The following PALS1 variants were observed in gnomAD, a reference collection of about 807,000 sequenced individuals.
The protein encoded by PALS1 is protein associated with LIN7 1, MAGUK p55 family member.
A neutral mutation model predicts 78.9 loss-of-function variants in PALS1; 31 were observed. The ratio of observed to expected loss-of-function variants is 0.39; its 90% CI spans 0.30 to 0.53. The LOEUF (loss-of-function observed/expected upper bound fraction) is 0.53. Ranked by LOEUF, PALS1 falls within the 20% of genes least tolerant of loss-of-function variation. The probability of loss-of-function intolerance (pLI) is 0.67; values close to 1 mark genes in which losing one functional copy is unlikely to be tolerated. For missense variants in PALS1, 704 were observed against 826.5 expected, an observed-to-expected ratio of 0.85 and a Z score of 1.82; for synonymous variants, 276 against 270.9, an observed-to-expected ratio of 1.02 and a Z score of -0.18.
At chr14:67,308,315 T>A (rs2085037641) in intron 8 of PALS1, among the ~76,000 whole-genome samples, 1 of 65,652 alleles carries the variant, frequency 1.5e-5, no homozygotes, top group Non-Finnish European at 2.9e-5. Flanking sequence ...CCAAACTTCC[T>A]TTTTTTTTTT....
intron 1 of PALS1, among the ~76,000 whole-genome samples, chr14:67,255,531 A>G (rs1284835368): frequency 2.0e-5 from 3 of 152,236 alleles, no homozygotes; most frequent in African/African-American, 7.2e-5. Context: ...CTAAAGAGCC[A>G]TGACCCTAAT....
intron 8 of PALS1, among the ~76,000 whole-genome samples, chr14:67,307,768 A>C (rs771437007): frequency 6.6e-5 from 10 of 152,214 alleles, no homozygotes; most frequent in Non-Finnish European, 1.5e-4. Context: ...CTGCGATAGT[A>C]AGAGATACAG....
intron 1 of PALS1, among the ~76,000 whole-genome samples, chr14:67,257,437 T>G (rs1323110709): frequency 6.6e-6 from 1 of 152,144 alleles, no homozygotes; most frequent in African/African-American, 2.4e-5. Context: ...CCAGCTTGAC[T>G]TTTCCTTGGC....
At chr14:67,250,160 T>C (rs2084045903) in intron 1 of PALS1, among the ~76,000 whole-genome samples, 1 of 152,168 alleles carries the variant, frequency 6.6e-6, no homozygotes, top group South Asian at 2.1e-4. Context: ...CAAGAGGCTG[T>C]GTTCATAATT....
At chr14:67,326,115 G>A (rs2085352167) in intron 14 of PALS1, among the ~76,000 whole-genome samples, 3 of 148,900 alleles carry the variant, frequency 2.0e-5, no homozygotes, top group East Asian at 2.0e-4. Flanking sequence ...GTGAGCCACC[G>A]TGCCCGGCCA....
rs865800098 is a variant in PALS1 at position 67,302,665 on chromosome 14, A to G, written c.963+94A>G. ...TATTTTTAAAATAACTGTTAAGAGC[A>G]CTAGATGATTTCTAGCCTGATTTTT... On this transcript the variant is annotated intron_variant, in intron 7 of 14. Transcript: ENST00000261681. 15 of 976,692 alleles carry G rather than the reference A, an allele frequency of 1.5e-5. No homozygotes were observed. The South Asian group carries it at 4.4e-4, about 29-fold the overall frequency. The allele number at this position is 976,692 out of a possible 1,614,324, so 60.5% of individuals were successfully genotyped here.
intron 2 of PALS1, among the ~76,000 whole-genome samples, chr14:67,273,329 G>C (rs1188760491): frequency 6.6e-6 from 1 of 150,824 alleles, no homozygotes; most frequent in Non-Finnish European, 1.5e-5. Context: ...GTGTCCAAGT[G>C]TTCTCATTTT....
At chr14:67,331,005 C>T (rs1447672260) in intron 14 of PALS1, among the ~76,000 whole-genome samples, 1 of 151,892 alleles carries the variant, frequency 6.6e-6, no homozygotes, top group African/African-American at 2.4e-5. Context: ...GATGGTGTAT[C>T]TGATTGTATT....
chr14:67,296,585 CA>C (rs374329692), intron 4 of PALS1, among the ~76,000 whole-genome samples: 2,102 of 50,778 alleles, frequency 0.041, 3 homozygotes, highest in Non-Finnish European at 0.11. Flanking sequence ...AACTCTGTCT[CA>C]AAAAAAAAAA....
At chr14:67,281,100 T>C (rs976824620) in intron 3 of PALS1, among the ~76,000 whole-genome samples, 12 of 151,960 alleles carry the variant, frequency 7.9e-5, no homozygotes, top group African/African-American at 2.9e-4. Flanking sequence ...GGTTTCACCA[T>C]GTTGGTCAGG....
intron 4 of PALS1, among the ~76,000 whole-genome samples, chr14:67,299,014 T>C (rs183609051): frequency 2.4e-4 from 37 of 152,374 alleles, no homozygotes; most frequent in Admixed American, 7.2e-4. Context: ...AGTTTGTAAA[T>C]TGCTGAGTAT....
At chr14:67,247,089 G>C (rs1375725491) in intron 1 of PALS1, among the ~76,000 whole-genome samples, 1 of 152,106 alleles carries the variant, frequency 6.6e-6, no homozygotes, top group Non-Finnish European at 1.5e-5. Context: ...TATACATTCT[G>C]TTGGGATTTT....
At position 67,302,030 on chromosome 14, in the gene PALS1, C is replaced by A. The variant is rs1331227214; in HGVS notation, c.713C>A (p.Thr238Lys). The change falls in exon 6 of 15, where the codon ACA becomes AAA. Residue 238 changes from threonine (T) to lysine (K), a missense_variant. By Grantham distance (78) the Thr-to-Lys change is moderately conservative. Coordinates refer to ENST00000261681, the MANE Select transcript of PALS1 (RefSeq NM_022474.4). ...AEQEMQLEPITDERVYESIGQ... is the reference protein window; with the variant it reads ...AEQEMQLEPIKDERVYESIGQ... Reference sequence around the variant, plus strand: ...CAGGAAATGCAGCTAGAGCCCATTACAGATGAGAGAGTTTATGAAAGTATT... The same window carrying A: ...CAGGAAATGCAGCTAGAGCCCATTAAAGATGAGAGAGTTTATGAAAGTATT... The A allele has an allele frequency of 6.2e-7, 1 of 1,611,260 alleles. No individual in the cohort carries two copies. The highest frequency in any genetic ancestry group is 8.5e-7 in the Non-Finnish European group (1 of 1,178,732).
Position 67,279,029 on chromosome 14 carries a change from G to T in PALS1, c.-142G>T. ...ATCTTTCCCCTTAGATTTCCTTCATGGATACTTTTTCATAGCATTATTATG... is the reference window on the plus strand; with the variant it reads ...ATCTTTCCCCTTAGATTTCCTTCATTGATACTTTTTCATAGCATTATTATG... On this transcript the variant is annotated 5_prime_UTR_variant, in exon 3 of 15. The change abolishes an upstream ATG in the 5' untranslated region. Coordinates refer to ENST00000261681, the MANE Select transcript of PALS1 (RefSeq NM_022474.4). The T allele has an allele frequency of 1.3e-6, 1 of 743,824 alleles. No individual in the cohort carries two copies. The highest frequency in any genetic ancestry group is 2.0e-6 in the Non-Finnish European group (1 of 509,004). The allele number at this position is 743,824 out of a possible 1,614,324, so 46.1% of individuals were successfully genotyped here.
intron 12 of PALS1, 62 bp from the exon 13 acceptor site, chr14:67,320,995 A>T: frequency 7.2e-7 from 1 of 1,388,636 alleles, no homozygotes; most frequent in East Asian, 2.3e-5. Context: ...TGACTAGCAG[A>T]ATTATCCCCT....
intron 2 of PALS1, among the ~76,000 whole-genome samples, chr14:67,275,140 A>G (rs140788890): frequency 5.9e-5 from 9 of 152,266 alleles, no homozygotes; most frequent in Admixed American, 4.6e-4. Context: ...GCCTTGGCCA[A>G]AACTTCCAAC....
At chr14:67,264,855 A>G (rs936373550) in intron 1 of PALS1, among the ~76,000 whole-genome samples, 7 of 152,204 alleles carry the variant, frequency 4.6e-5, no homozygotes, top group Non-Finnish European at 8.8e-5. Flanking sequence ...TTAAGTCTCA[A>G]GTTTACATCT....
At position 67,312,538 on chromosome 14, in the gene PALS1, A is replaced by G. The variant is rs1188976469; in HGVS notation, c.1053A>G (p.Lys351=). The G allele has an allele frequency of 5.1e-6, 8 of 1,580,728 alleles. No homozygotes were observed. Among genetic ancestry groups the G allele is most frequent in the Non-Finnish European group, 4.3e-6 (5 of 1,162,396 alleles). ...TTTTTATCTTTTAGATCCATGTAAA[A>G]GCTCATTTTGACTATGACCCCTCAG... ...PPAKETVIHV[K]AHFDYDPSDD... The change falls in exon 9 of 15, where the codon AAA becomes AAG. Residue 351 remains lysine, a synonymous_variant. Transcript: ENST00000261681.
intron 8 of PALS1, among the ~76,000 whole-genome samples, chr14:67,304,714 GT>G (rs2084975965): frequency 6.6e-6 from 1 of 152,176 alleles, no homozygotes; most frequent in African/African-American, 2.4e-5. Flanking sequence ...AAAATTGTTT[GT>G]GGTGATAATT....
Sources: allele counts gnomAD v4.1 joint callset (sites outside exome capture counted in the v4.1 genomes callset), GRCh38; gene constraint gnomAD v4.1.1; transcripts MANE v1.5; gene names NCBI Gene and HGNC (gene_info 2026-07-23, HGNC 2026-07-21).